Variants in SMYD3 observed in about 807,000 individuals in gnomAD.
The protein encoded by SMYD3 is histone-lysine N-methyltransferase SMYD3.
Under a neutral mutation model 57.7 loss-of-function variants are expected in SMYD3, and 36 were observed. The ratio of observed to expected loss-of-function variants is 0.62; its 90% CI spans 0.48 to 0.82. The LOEUF is 0.82. SMYD3 is among the 40% of genes least tolerant of loss of function. The probability of loss-of-function intolerance (pLI) is 0.00; values close to 1 mark genes in which losing one functional copy is unlikely to be tolerated. For synonymous variants in SMYD3, 211 were observed against 195.0 expected (o/e 1.08, Z -0.68); for missense variants, 515 against 538.8 (o/e 0.96, Z 0.44).
At chr1:246,000,883 T>C (rs10924440) in intron 5 of SMYD3, among the ~76,000 whole-genome samples, 21,782 of 152,140 alleles carry the variant, frequency 0.14, 1,836 homozygotes, top group East Asian at 0.2. Flanking sequence ...ACATATGGAG[T>C]GTTTGGAAAC....
chr1:246,104,298 A>G (rs1243811870), intron 5 of SMYD3, among the ~76,000 whole-genome samples: 1 of 152,238 alleles, frequency 6.6e-6, no homozygotes, highest in African/African-American at 2.4e-5. Context: ...TACTTTGAAA[A>G]CATAAATATG....
Position 245,867,666 on chromosome 1 carries a change from G to GCACACA in SMYD3, c.814-3781_814-3780insTGTGTG, listed in dbSNP as rs66978528. ...TGCATGCGCGTGCGTGTGCGTGCGC[G>GCACACA]CGCACACACACACACACACACACTC... On this transcript the variant is annotated intron_variant, in intron 8 of 11. Transcript: ENST00000490107. Among the ~76,000 whole-genome samples, 172 of 139,822 alleles carry GCACACA rather than the reference G, an allele frequency of 1.2e-3. 1 individual carries two copies. Among genetic ancestry groups the GCACACA allele is most frequent in the Middle Eastern group, 0.012 (3 of 256 alleles). The allele number at this position is 139,822 out of a possible 152,430, so 91.7% of individuals were successfully genotyped here.
chr1:245,752,779 C>T (rs1176683989), intron 11 of SMYD3, among the ~76,000 whole-genome samples: 4 of 152,208 alleles, frequency 2.6e-5, no homozygotes, highest in Non-Finnish European at 5.9e-5. Context: ...CACATCCACA[C>T]CTCACAGCCT....
intron 10 of SMYD3, chr1:245,814,244 G>T: frequency 2.4e-6 from 1 of 422,926 alleles, no homozygotes; most frequent in Non-Finnish European, 3.2e-6. Flanking sequence ...GTCTACTCCT[G>T]TTTTGAAGGT....
chr1:246,443,690 T>C (rs2067504446), intron 1 of SMYD3, among the ~76,000 whole-genome samples: 1 of 152,204 alleles, frequency 6.6e-6, no homozygotes, highest in Non-Finnish European at 1.5e-5. Flanking sequence ...TGAAAAACCT[T>C]GTGCTCTTCT....
chr1:246,070,419 C>A (rs546588975), intron 5 of SMYD3, among the ~76,000 whole-genome samples: 93 of 152,292 alleles, frequency 6.1e-4, no homozygotes, highest in Middle Eastern at 6.8e-3. Context: ...ACTTTATACA[C>A]GTATCCATCT....
intron 10 of SMYD3, among the ~76,000 whole-genome samples, chr1:245,789,285 A>G (rs2047171801): frequency 6.6e-6 from 1 of 152,192 alleles, no homozygotes; most frequent in African/African-American, 2.4e-5. Flanking sequence ...CTCCTCACGT[A>G]TAAATGGAAA....
chr1:246,081,783 G>A (rs1393748179), intron 5 of SMYD3, among the ~76,000 whole-genome samples: 1 of 152,146 alleles, frequency 6.6e-6, no homozygotes, highest in East Asian at 1.9e-4. Context: ...AATAACCTGA[G>A]CAATGTAGCT....
At chr1:246,144,257 T>C (rs775969685) in intron 5 of SMYD3, among the ~76,000 whole-genome samples, 2 of 152,228 alleles carry the variant, frequency 1.3e-5, no homozygotes, top group African/African-American at 2.4e-5. Flanking sequence ...TGGCAAACAC[T>C]GACGTGGAAC....
At chr1:245,963,459 G>A (rs113332181) in intron 5 of SMYD3, among the ~76,000 whole-genome samples, 4 of 151,978 alleles carry the variant, frequency 2.6e-5, no homozygotes, top group Non-Finnish European at 4.4e-5. Context: ...TGGGGGTCTA[G>A]AATGAACAAC....
At chr1:246,087,711 C>A (rs1321243789) in intron 5 of SMYD3, among the ~76,000 whole-genome samples, 1 of 152,186 alleles carries the variant, frequency 6.6e-6, no homozygotes, top group African/African-American at 2.4e-5. Context: ...TAACTTTCAA[C>A]AAGTAAAACA....
intron 1 of SMYD3, among the ~76,000 whole-genome samples, chr1:246,402,048 C>T (rs1166901849): frequency 6.6e-6 from 1 of 152,126 alleles, no homozygotes; most frequent in Non-Finnish European, 1.5e-5. Flanking sequence ...GATTGTTCAT[C>T]CATAATACAT....
chr1:246,188,597 T>C (rs1245922780), intron 5 of SMYD3, among the ~76,000 whole-genome samples: 2 of 152,034 alleles, frequency 1.3e-5, no homozygotes, highest in South Asian at 4.1e-4. Context: ...CTAACATTTG[T>C]GGTTGACATT....
At chr1:246,270,537 C>A (rs1487433740) in intron 5 of SMYD3, among the ~76,000 whole-genome samples, 1 of 152,162 alleles carries the variant, frequency 6.6e-6, no homozygotes, top group African/African-American at 2.4e-5. Flanking sequence ...GATTTTGACT[C>A]CTCTAAGTAT....
intron 5 of SMYD3, among the ~76,000 whole-genome samples, chr1:246,098,047 C>T (rs2147920270): frequency 6.6e-6 from 1 of 152,220 alleles, no homozygotes; most frequent in East Asian, 1.9e-4. Flanking sequence ...TTAAAAATTA[C>T]CACTAAACTG....
chr1:245,953,076 G>A (rs946482299), intron 5 of SMYD3, among the ~76,000 whole-genome samples: 3 of 152,166 alleles, frequency 2.0e-5, no homozygotes, highest in African/African-American at 4.8e-5. Context: ...GTCGGCATGT[G>A]ATCATGAAAT....
intron 5 of SMYD3, among the ~76,000 whole-genome samples, chr1:245,997,145 C>T (rs10924439): frequency 0.13 from 20,351 of 152,238 alleles, 1,402 homozygotes; most frequent in South Asian, 0.23. Context: ...CCCTACACGA[C>T]GGGACACTTA....
chr1:246,319,047 A>C (rs1038143391), intron 5 of SMYD3, among the ~76,000 whole-genome samples: 4 of 152,264 alleles, frequency 2.6e-5, no homozygotes, highest in African/African-American at 9.6e-5. Flanking sequence ...GTGTCCTACA[A>C]ACATCACTTT....
chr1:246,087,147 C>T (rs4654192), intron 5 of SMYD3, among the ~76,000 whole-genome samples: 124,763 of 152,112 alleles, frequency 0.82, 51,632 homozygotes, highest in Admixed American at 0.88. Flanking sequence ...TGAAAGCTCC[C>T]CCCATGATTC....
Sources: allele counts gnomAD v4.1 joint callset (sites outside exome capture counted in the v4.1 genomes callset), GRCh38; gene constraint gnomAD v4.1.1; transcripts MANE v1.5; gene names NCBI Gene and HGNC (gene_info 2026-07-23, HGNC 2026-07-21).